The following KIFAP3 variants were observed in gnomAD, a reference collection of about 807,000 sequenced individuals.
KIFAP3 encodes the protein kinesin associated protein 3, also known as kinesin-associated protein 3.
KIFAP3 carries 68 observed loss-of-function variants against 106.5 expected under a neutral mutation model. The observed-to-expected ratio is 0.64, with a 90% CI of 0.53 to 0.78. The LOEUF (loss-of-function observed/expected upper bound fraction) is 0.78. KIFAP3 is among the 30% of genes least tolerant of loss of function. The probability of loss-of-function intolerance (pLI) is 0.00; values close to 1 mark genes in which losing one functional copy is unlikely to be tolerated. For synonymous variants in KIFAP3, 320 were observed against 311.5 expected (o/e 1.03, Z -0.29); for missense variants, 780 against 941.8 (o/e 0.83, Z 2.25).
intron 19 of KIFAP3, among the ~76,000 whole-genome samples, chr1:169,923,840 G>GT (rs1461065320): frequency 6.6e-6 from 1 of 152,194 alleles, no homozygotes; most frequent in African/African-American, 2.4e-5. Context: ...AACGCTGGTT[G>GT]TAGCAACCTA....
chr1:170,079,464 AT>A (rs1364010085), upstream of KIFAP3, among the ~76,000 whole-genome samples: 1 of 152,182 alleles, frequency 6.6e-6, no homozygotes, highest in Non-Finnish European at 1.5e-5. Flanking sequence ...AAGGTAAAAA[AT>A]CATATGGTCA....
chr1:169,939,213 AC>A (rs1225812714), intron 19 of KIFAP3, among the ~76,000 whole-genome samples: 2 of 152,180 alleles, frequency 1.3e-5, no homozygotes, highest in Admixed American at 1.3e-4. Context: ...GGAATAGGGT[AC>A]TAACAGTGAA....
intron 19 of KIFAP3, among the ~76,000 whole-genome samples, chr1:169,926,688 C>T (rs1046507060): frequency 3.4e-4 from 37 of 108,700 alleles, no homozygotes; most frequent in African/African-American, 6.3e-4. Flanking sequence ...TGTGTACACA[C>T]ACACACACAC....
At chr1:169,976,079 T>C (rs537932226) in intron 16 of KIFAP3, among the ~76,000 whole-genome samples, 3 of 152,274 alleles carry the variant, frequency 2.0e-5, no homozygotes, top group African/African-American at 7.2e-5. Flanking sequence ...TAAATGTACA[T>C]TTTAAACAGA....
In KIFAP3 at chr1:170,046,957, ATT is replaced by A. The variant is rs1670290962; in HGVS notation, c.165-93_165-92del. On this transcript the variant is annotated intron_variant, in intron 2 of 19. Transcript: ENST00000361580. ...TAAAATAATTTATAGATTATAAATT[ATT>A]ATAGAGAACCTGGCCATAGACTCTT... is the stretch of plus-strand genomic sequence containing the variant. 4 of 702,066 alleles carry A rather than the reference ATT, an allele frequency of 5.7e-6. No individual in the cohort carries two copies. The South Asian group carries it at 1.9e-4, about 33-fold the overall frequency. 43.5% of individuals were successfully genotyped at this position (702,066 alleles called of 1,614,324 possible). A position where few individuals can be genotyped will look rare whatever the true frequency, so the allele number is the denominator to read the frequency against.
intron 17 of KIFAP3, among the ~76,000 whole-genome samples, chr1:169,965,718 C>A (rs1665575813): frequency 6.6e-6 from 1 of 151,982 alleles, no homozygotes; most frequent in Non-Finnish European, 1.5e-5. Flanking sequence ...GCCCTTCTAA[C>A]TTTAGCCTTC....
At chr1:169,979,866 A>T (rs1464339245) in intron 15 of KIFAP3, among the ~76,000 whole-genome samples, 1 of 152,144 alleles carries the variant, frequency 6.6e-6, no homozygotes, top group East Asian at 1.9e-4. Context: ...CCCCCACAAA[A>T]ACCTAACTCT....
chr1:169,976,592 T>C (rs1432035260), intron 16 of KIFAP3, among the ~76,000 whole-genome samples: 2 of 152,196 alleles, frequency 1.3e-5, no homozygotes, highest in East Asian at 3.8e-4. Context: ...TTTATTACTT[T>C]CTGTACTGTT....
At chr1:169,928,510 G>A (rs1402909453) in intron 19 of KIFAP3, among the ~76,000 whole-genome samples, 2 of 151,692 alleles carry the variant, frequency 1.3e-5, no homozygotes, top group African/African-American at 4.8e-5. Flanking sequence ...AGGAGTTCAA[G>A]ACATGGCAAA....
intron 1 of KIFAP3, among the ~76,000 whole-genome samples, chr1:170,065,449 T>C (rs1412835272): frequency 1.3e-5 from 2 of 151,358 alleles, no homozygotes; most frequent in Non-Finnish European, 1.5e-5. Context: ...CTGTCTCTAC[T>C]AAAAAATACA....
intron 13 of KIFAP3, 107 bp downstream of exon 13, chr1:169,983,163 T>C (rs1666616823): frequency 2.6e-5 from 18 of 690,612 alleles, no homozygotes; most frequent in Non-Finnish European, 2.4e-5. Flanking sequence ...TAAGAGCAAT[T>C]TGGATTATAA....
chr1:169,981,417 G>C (rs1666517988), intron 15 of KIFAP3, among the ~76,000 whole-genome samples: 3 of 152,032 alleles, frequency 2.0e-5, no homozygotes, highest in South Asian at 2.1e-4. Flanking sequence ...AGGTCCACTA[G>C]CATAGTATTG....
intron 1 of KIFAP3, among the ~76,000 whole-genome samples, chr1:170,072,022 G>A (rs187747384): frequency 6.6e-6 from 1 of 152,242 alleles, no homozygotes; most frequent in East Asian, 1.9e-4. Context: ...ATGCCATGAA[G>A]GCAGGGAATA....
At chr1:170,054,881 AG>A (rs1043398584) in intron 2 of KIFAP3, among the ~76,000 whole-genome samples, 2 of 152,124 alleles carry the variant, frequency 1.3e-5, no homozygotes, top group Non-Finnish European at 2.9e-5. Flanking sequence ...AACCTAAATG[AG>A]GGGTTGATAG....
At chr1:170,076,173 T>G (rs1671902097), upstream of KIFAP3, among the ~76,000 whole-genome samples, 1 of 152,136 alleles carries the variant, frequency 6.6e-6, no homozygotes, top group Non-Finnish European at 1.5e-5. Context: ...GAATAAAAAT[T>G]TTGGTGTTGA....
chr1:169,925,711 T>G (rs559664601), intron 19 of KIFAP3, among the ~76,000 whole-genome samples: 1 of 152,194 alleles, frequency 6.6e-6, no homozygotes, highest in African/African-American at 2.4e-5. Context: ...GTAAAGAATC[T>G]CAGGCACTCA....
At chr1:169,991,558 T>C (rs551737097) in intron 11 of KIFAP3, among the ~76,000 whole-genome samples, 1 of 152,174 alleles carries the variant, frequency 6.6e-6, no homozygotes. Context: ...TAAAAACTTA[T>C]GTTTTCTTAG....
At chr1:169,972,129 A>C (rs927354947) in intron 17 of KIFAP3, among the ~76,000 whole-genome samples, 15 of 151,926 alleles carry the variant, frequency 9.9e-5, no homozygotes, top group Non-Finnish European at 1.8e-4. Context: ...CAATTAAGTG[A>C]AAAAAATAGC....
chr1:169,980,448 G>A (rs1243956429), intron 15 of KIFAP3, among the ~76,000 whole-genome samples: 1 of 152,104 alleles, frequency 6.6e-6, no homozygotes. Context: ...ATGCAATATG[G>A]AGAAGAATGA....
Sources: gnomAD v4.1 joint callset for allele counts (sites outside exome capture counted in the v4.1 genomes callset) on GRCh38, gnomAD v4.1.1 for gene constraint, MANE v1.5 for transcripts, NCBI Gene and HGNC (gene_info 2026-07-23, HGNC 2026-07-21) for gene names.